KIF1B: variants seen among roughly 807,000 people sequenced by gnomAD.
KIF1B encodes kinesin family member 1B, also known as kinesin-like protein KIF1B.
In KIF1B, 76 loss-of-function variants were observed where a neutral mutation model predicts 241.9. That is an observed-to-expected ratio of 0.31 (90% CI 0.26 to 0.38). The LOEUF (loss-of-function observed/expected upper bound fraction) is 0.38, where lower values mean the gene tolerates loss of function less well. Ranked by LOEUF, KIF1B falls within the 10% of genes least tolerant of loss-of-function variation. KIF1B has a pLI of 1.00. For synonymous variants in KIF1B, 750 were observed against 796.7 expected, an observed-to-expected ratio of 0.94 and a Z score of 0.99; for missense variants, 1,622 against 2,271.4, an observed-to-expected ratio of 0.71 and a Z score of 5.81.
At chr1:10,314,034 C>T (rs528312724) in intron 22 of KIF1B, among the ~76,000 whole-genome samples, 1 of 151,188 alleles carries the variant, frequency 6.6e-6, no homozygotes, top group Admixed American at 6.6e-5. Flanking sequence ...GCTGGGATTA[C>T]GGCATGTGCC....
chr1:10,310,942 T>C (rs1272953567), intron 22 of KIF1B, among the ~76,000 whole-genome samples: 1 of 151,508 alleles, frequency 6.6e-6, no homozygotes, highest in Non-Finnish European at 1.5e-5. Flanking sequence ...AGAAGAAACT[T>C]TGTTTTCTTC....
intron 22 of KIF1B, chr1:10,308,490 T>C: frequency 9.7e-7 from 1 of 1,034,118 alleles, no homozygotes; most frequent in South Asian, 4.6e-5. Flanking sequence ...AAAAAAATGC[T>C]TGAAGATTGT....
intron 1 of KIF1B, among the ~76,000 whole-genome samples, chr1:10,226,787 C>T (rs760695150): frequency 6.6e-6 from 1 of 151,664 alleles, no homozygotes; most frequent in Non-Finnish European, 1.5e-5. Context: ...GGCAACATAG[C>T]GAAACCCCGT....
At chr1:10,304,642 G>GTA in intron 22 of KIF1B, 1 of 1,613,754 alleles carries the variant, frequency 6.2e-7, no homozygotes, top group Non-Finnish European at 8.5e-7. Flanking sequence ...AGAAACCACA[G>GTA]TATAAATCAG....
At chr1:10,301,728 A>C (rs1244464394) in intron 22 of KIF1B, among the ~76,000 whole-genome samples, 2 of 152,182 alleles carry the variant, frequency 1.3e-5, no homozygotes, top group African/African-American at 4.8e-5. Context: ...AGAGCAGCTG[A>C]GTATTTTCTT....
At chr1:10,248,960 GA>G (rs138526751) in intron 2 of KIF1B, among the ~76,000 whole-genome samples, 2,620 of 152,280 alleles carry the variant, frequency 0.017, 84 homozygotes, top group African/African-American at 0.06. Context: ...AAAGCAGCTT[GA>G]AAAGGTGGAT....
Position 10,347,843 on chromosome 1 carries a change from CA to C in KIF1B, c.3864+20del. 1 of 1,594,606 alleles carries C rather than the reference CA, an allele frequency of 6.3e-7. No homozygotes were observed. The highest frequency in any genetic ancestry group is 8.6e-7 in the Non-Finnish European group (1 of 1,162,582). ...GCTTCATCAGGTACTAATGAGGGAC[CA>C]AAACAGGCATCGGAGGGAACACTGA... On this transcript the variant is annotated intron_variant, in intron 36 of 48. Coordinates refer to ENST00000676179, the MANE Select transcript of KIF1B (RefSeq NM_001365951.3).
intron 2 of KIF1B, among the ~76,000 whole-genome samples, chr1:10,249,873 G>T (rs1259502142): frequency 6.6e-6 from 1 of 152,190 alleles, no homozygotes; most frequent in Non-Finnish European, 1.5e-5. Flanking sequence ...CTGCACTCCA[G>T]CCTAGGGCGA....
intron 1 of KIF1B, among the ~76,000 whole-genome samples, chr1:10,212,902 A>ATG (rs1646713904): frequency 9.7e-6 from 1 of 102,668 alleles, no homozygotes; most frequent in Admixed American, 8.8e-5. Context: ...ATATATATAT[A>ATG]TATATATATA....
chr1:10,221,059 C>G (rs1042410423), intron 1 of KIF1B, among the ~76,000 whole-genome samples: 4 of 144,506 alleles, frequency 2.8e-5, no homozygotes, highest in Non-Finnish European at 4.5e-5. Flanking sequence ...CGTGTATAGT[C>G]TGATTCTTGG....
At chr1:10,264,456 G>T (rs1008437859) in intron 5 of KIF1B, among the ~76,000 whole-genome samples, 5 of 152,130 alleles carry the variant, frequency 3.3e-5, no homozygotes, top group African/African-American at 4.8e-5. Context: ...GATTATTTGG[G>T]TTCTCTTTGT....
Position 10,272,325 on chromosome 1 carries a change from T to C in KIF1B, c.864+19T>C. ...CGAGGTGGTAAGTTTTATACTTCAT[T>C]ATAAGGGGAGTTGTGTCTGTTCAGC... On this transcript the variant is annotated intron_variant, in intron 9 of 48. Coordinates refer to ENST00000676179, the MANE Select transcript of KIF1B (RefSeq NM_001365951.3). 6.7e-7 allele frequency: 1 copy of C among 1,495,802 alleles called. No homozygotes were observed. 92.7% of individuals were successfully genotyped at this position (1,495,802 alleles called of 1,614,324 possible).
At chr1:10,241,381 C>T (rs567015580) in intron 2 of KIF1B, among the ~76,000 whole-genome samples, 15 of 152,146 alleles carry the variant, frequency 9.9e-5, no homozygotes, top group South Asian at 2.1e-4. Context: ...TAGGATTACA[C>T]GCATGAGCCA....
chr1:10,375,419 C>CAAAA, intron 48 of KIF1B, 46 bp downstream of exon 48: 6 of 1,516,640 alleles, frequency 4.0e-6, no homozygotes, highest in South Asian at 1.1e-5. Context: ...GACGGAGTCT[C>CAAAA]ACTTTTTCTC....
chr1:10,352,890 G>A (rs1652849776), intron 38 of KIF1B, among the ~76,000 whole-genome samples, 154 bp downstream of exon 38: 1 of 152,096 alleles, frequency 6.6e-6, no homozygotes, highest in Non-Finnish European at 1.5e-5. Flanking sequence ...TTCTTCACCT[G>A]CCTGCTGTAC....
chr1:10,215,481 T>C (rs1375673992), intron 1 of KIF1B, among the ~76,000 whole-genome samples: 2 of 150,328 alleles, frequency 1.3e-5, no homozygotes, highest in Non-Finnish European at 3.0e-5. Context: ...CGGCCTATTT[T>C]TTGTATTTAA....
Position 10,232,300 on chromosome 1 carries a change from G to GCAT in KIF1B, c.-28_-26dup. 1 of 1,446,482 alleles carries GCAT rather than the reference G, an allele frequency of 6.9e-7. No homozygotes were observed. Among genetic ancestry groups the GCAT allele is most frequent in the African/African-American group, 1.4e-5 (1 of 71,614 alleles). The allele number at this position is 1,446,482 out of a possible 1,614,324, so 89.6% of individuals were successfully genotyped here. ...AGATTTGATTCTTTATTTCTGGACT[G>GCAT]CATATATATATATAACAAGGCCATT... On this transcript the variant is annotated 5_prime_UTR_variant, in exon 2 of 49. Transcript: ENST00000676179.
At chr1:10,223,963 C>G (rs193272277) in intron 1 of KIF1B, among the ~76,000 whole-genome samples, 3 of 152,080 alleles carry the variant, frequency 2.0e-5, no homozygotes, top group Admixed American at 6.6e-5. Flanking sequence ...CAACAATGCC[C>G]GGCTAATTTT....
Position 10,303,378 on chromosome 1 carries a change from A to C in KIF1B, c.2115+6132A>C, listed in dbSNP as rs750493426. 6.2e-7 allele frequency: 1 copy of C among 1,614,242 alleles called. No homozygotes were observed. Among genetic ancestry groups the C allele is most frequent in the Non-Finnish European group, 8.5e-7 (1 of 1,180,040 alleles). On this transcript the variant is annotated intron_variant, in intron 22 of 48. Transcript: ENST00000676179. The surrounding 1 kb of genome is among the most constrained non-coding windows in gnomAD (Gnocchi z 5.2). ...TGAGTAAAGATTCCAAGTGGGTCAC[A>C]ATCTCAGATCTTAAAATTCAGGCTG...
Sources: allele counts gnomAD v4.1 joint callset (sites outside exome capture counted in the v4.1 genomes callset), GRCh38; gene constraint gnomAD v4.1.1; non-coding constraint Gnocchi (gnomAD v3.1); transcripts MANE v1.5; gene names NCBI Gene and HGNC (gene_info 2026-07-23, HGNC 2026-07-21).